DNER: variants seen among roughly 807,000 people sequenced by gnomAD.
DNER encodes the protein delta/notch like EGF repeat containing.
A neutral mutation model predicts 78.2 loss-of-function variants in DNER; 33 were observed. The observed-to-expected ratio is 0.42, with a 90% CI of 0.32 to 0.56. The LOEUF (loss-of-function observed/expected upper bound fraction) is 0.56, where lower values mean the gene tolerates loss of function less well. DNER is among the 20% of genes least tolerant of loss of function. DNER has a pLI of 0.11. For missense variants in DNER, 918 were observed against 975.3 expected (o/e 0.94, Z 0.78); for synonymous variants, 417 against 384.8 (o/e 1.08, Z -0.98).
At chr2:229,707,962 A>G (rs963023785) in intron 1 of DNER, among the ~76,000 whole-genome samples, 1 of 152,182 alleles carries the variant, frequency 6.6e-6, no homozygotes, top group African/African-American at 2.4e-5. Flanking sequence ...TCAGGATCCC[A>G]TTTTCACAGA....
At chr2:229,687,768 T>A (rs1319040907) in intron 1 of DNER, among the ~76,000 whole-genome samples, 1 of 152,220 alleles carries the variant, frequency 6.6e-6, no homozygotes, top group Admixed American at 6.5e-5. Flanking sequence ...TCACAACATT[T>A]TAATATCTGT....
chr2:229,641,769 T>C (rs921730733), intron 1 of DNER, among the ~76,000 whole-genome samples: 6 of 152,128 alleles, frequency 3.9e-5, no homozygotes, highest in South Asian at 2.1e-4. Context: ...TCTGGGACAT[T>C]TAAATTTTTC....
chr2:229,693,386 T>A (rs1295133526), intron 1 of DNER, among the ~76,000 whole-genome samples: 3 of 152,032 alleles, frequency 2.0e-5, no homozygotes, highest in African/African-American at 7.3e-5. Flanking sequence ...GAGAACAGAC[T>A]AATAGAGTAA....
rs1489227259 is a variant in DNER, at chr2:229,477,150, C to T, written c.1251G>A (p.Gln417=). ...ATAAATACTAATTACCTTCTGGACA[C>T]TGGCAGGTGAATCCACTGAGACTGG... ...CISSLSGFTC[Q]CPEGYFGSAC... is the part of the protein sequence containing the mutation. The change falls in exon 7 of 13, where the codon CAG becomes CAA. Residue 417 remains glutamine (Q), a synonymous_variant. Transcript: ENST00000341772. 6.2e-7 allele frequency: 1 copy of T among 1,613,360 alleles called. No homozygotes were observed. The highest frequency in any genetic ancestry group is 8.5e-7 in the Non-Finnish European group (1 of 1,179,580).
intron 5 of DNER, among the ~76,000 whole-genome samples, chr2:229,540,851 C>T (rs1025804761): frequency 5.9e-5 from 9 of 152,176 alleles, no homozygotes; most frequent in African/African-American, 1.4e-4. Context: ...CTCTGGTATC[C>T]GATCCTAATA....
chr2:229,459,647 A>G (rs947482949), intron 7 of DNER, among the ~76,000 whole-genome samples: 1 of 151,872 alleles, frequency 6.6e-6, no homozygotes, highest in Admixed American at 6.6e-5. Context: ...GGTTTGTCTG[A>G]CTCCAAATCT....
rs867258552 is a variant in DNER at position 229,512,131 on chromosome 2, C to T, written c.1147+652G>A. Among the ~76,000 whole-genome samples, 5 of 152,130 alleles carry T rather than the reference C, an allele frequency of 3.3e-5. No individual in the cohort carries two copies. The South Asian group carries it at 1.0e-3, about 32-fold the overall frequency. On this transcript the variant is annotated intron_variant, in intron 6 of 12. Transcript: ENST00000341772. ...GGCAAAGTGTCTTATGCCTGTAATCCCAGCATTTTGGGAGGTGGAGGCAGG... is the reference window on the plus strand; with the variant it reads ...GGCAAAGTGTCTTATGCCTGTAATCTCAGCATTTTGGGAGGTGGAGGCAGG...
At chr2:229,700,337 A>AT (rs373414789) in intron 1 of DNER, among the ~76,000 whole-genome samples, 151 of 125,030 alleles carry the variant, frequency 1.2e-3, no homozygotes, top group South Asian at 4.7e-3. Flanking sequence ...TCAGTGCAAC[A>AT]TTTTTTTTTT....
At chr2:229,512,537 A>G (rs1053772558) in intron 6 of DNER, among the ~76,000 whole-genome samples, 1 of 152,160 alleles carries the variant, frequency 6.6e-6, no homozygotes, top group African/African-American at 2.4e-5. Flanking sequence ...AGGTATATGA[A>G]TGACACGATG....
intron 10 of DNER, among the ~76,000 whole-genome samples, chr2:229,402,988 T>C (rs1693300183): frequency 6.6e-6 from 1 of 152,184 alleles, no homozygotes; most frequent in Non-Finnish European, 1.5e-5. Context: ...GCCAGAAGCC[T>C]AGGTTCAGCA....
intron 1 of DNER, among the ~76,000 whole-genome samples, chr2:229,709,731 T>C (rs559732267): frequency 1.3e-5 from 2 of 152,330 alleles, no homozygotes; most frequent in East Asian, 3.9e-4. Flanking sequence ...ATTGTTATTA[T>C]AATCCTGAAG....
intron 9 of DNER, among the ~76,000 whole-genome samples, chr2:229,408,128 A>G (rs1356808909): frequency 6.6e-6 from 1 of 151,982 alleles, no homozygotes; most frequent in African/African-American, 2.4e-5. Flanking sequence ...GTAAAGTAAA[A>G]CAGACAGCTT....
intron 4 of DNER, among the ~76,000 whole-genome samples, chr2:229,583,837 A>G (rs1697445464): frequency 6.6e-6 from 1 of 152,204 alleles, no homozygotes; most frequent in South Asian, 2.1e-4. Context: ...ATTATCTGTC[A>G]TTCATCCTGA....
At chr2:229,380,088 T>G (rs1332986027) in intron 11 of DNER, among the ~76,000 whole-genome samples, 1 of 152,206 alleles carries the variant, frequency 6.6e-6, no homozygotes, top group African/African-American at 2.4e-5. Context: ...AATCATATCC[T>G]CAGCCTCTTA....
intron 5 of DNER, among the ~76,000 whole-genome samples, chr2:229,517,132 A>G (rs1695996093): frequency 6.6e-6 from 1 of 151,660 alleles, no homozygotes. Flanking sequence ...AAAAAAGAAA[A>G]AAAATTAATA....
At chr2:229,698,524 C>G (rs1699695084) in intron 1 of DNER, among the ~76,000 whole-genome samples, 1 of 152,058 alleles carries the variant, frequency 6.6e-6, no homozygotes, top group Admixed American at 6.6e-5. Flanking sequence ...GCAAGGGAAG[C>G]AAGAAAAACC....
At chr2:229,706,321 T>TG (rs1420429635) in intron 1 of DNER, among the ~76,000 whole-genome samples, 3 of 149,314 alleles carry the variant, frequency 2.0e-5, no homozygotes, top group Non-Finnish European at 1.5e-5. Flanking sequence ...GAGGCTGAGA[T>TG]GGGTGGATCA....
At chr2:229,454,165 T>C (rs1694521253) in intron 7 of DNER, among the ~76,000 whole-genome samples, 1 of 152,158 alleles carries the variant, frequency 6.6e-6, no homozygotes. Flanking sequence ...CTTGCCCAAA[T>C]TGCTATTGCA....
chr2:229,499,115 A>C (rs1695559945), intron 6 of DNER, among the ~76,000 whole-genome samples: 4 of 152,200 alleles, frequency 2.6e-5, no homozygotes, highest in African/African-American at 9.7e-5. Context: ...ATGCTTTTGC[A>C]GTCACTTGAT....
Sources: allele counts gnomAD v4.1 joint callset (sites outside exome capture counted in the v4.1 genomes callset), GRCh38; gene constraint gnomAD v4.1.1; transcripts MANE v1.5; gene names NCBI Gene and HGNC (gene_info 2026-07-23, HGNC 2026-07-21).